The following CENPS variants were observed in gnomAD, a reference collection of about 807,000 sequenced individuals.
The protein encoded by CENPS is centromere protein S.
Under a neutral mutation model 17.9 loss-of-function variants are expected in CENPS, and 16 were observed. The ratio of observed to expected loss-of-function variants is 0.90; its 90% confidence interval spans 0.61 to 1.36. The LOEUF is 1.36. Ranked by LOEUF, CENPS falls within the 40% of genes most tolerant of loss-of-function variation. The pLI is 0.00. For missense variants in CENPS, 160 were observed against 158.6 expected (o/e 1.01, Z -0.05); for synonymous variants, 49 against 55.8 (o/e 0.88, Z 0.54).
intron 4 of CENPS, among the ~76,000 whole-genome samples, chr1:10,441,452 C>T (rs1290431513): frequency 6.6e-6 from 1 of 150,598 alleles, no homozygotes; most frequent in Non-Finnish European, 1.5e-5. Flanking sequence ...GTAGCTGGGA[C>T]TACAGGTGCA....
chr1:10,430,863 T>G, intron 1 of CENPS: 1 of 1,308,776 alleles, frequency 7.6e-7, no homozygotes, highest in East Asian at 3.4e-5. Flanking sequence ...AATCCTCGGT[T>G]TCCCCTTCTC....
intron 1 of CENPS, among the ~76,000 whole-genome samples, chr1:10,431,582 G>A (rs1639916278): frequency 1.3e-5 from 2 of 152,084 alleles, no homozygotes; most frequent in African/African-American, 2.4e-5. Flanking sequence ...TTGGCTGGGC[G>A]CGGTGGCTCA....
Position 10,433,785 on chromosome 1 carries a change from C to G in CENPS, c.52-57C>G, listed in dbSNP as rs375326874. ...TCTCCTTGGTCTTCATTTTTTAAGGCGTGAAAAGCTCTTATTTGCAGCCTT... is the reference window on the plus strand; with the variant it reads ...TCTCCTTGGTCTTCATTTTTTAAGGGGTGAAAAGCTCTTATTTGCAGCCTT... On this transcript the variant is annotated intron_variant, in intron 1 of 4. Transcript: ENST00000309048. The G allele has an allele frequency of 5.6e-6, 9 of 1,607,606 alleles. No individual in the cohort carries two copies. In the South Asian group the frequency reaches 6.6e-5, roughly 12 times the overall value.
At chr1:10,432,286 T>C (rs1303798825) in intron 1 of CENPS, among the ~76,000 whole-genome samples, 1 of 152,134 alleles carries the variant, frequency 6.6e-6, no homozygotes, top group South Asian at 2.1e-4. Flanking sequence ...AGTTTCACCA[T>C]GTTGGCCAGG....
intron 3 of CENPS, among the ~76,000 whole-genome samples, chr1:10,437,711 C>T (rs181194759): frequency 6.6e-6 from 1 of 151,238 alleles, no homozygotes; most frequent in African/African-American, 2.4e-5. Context: ...CCCACCTCGG[C>T]CAGCCAAAGT....
At chr1:10,435,708 T>TACACACACAC (rs1334818968) in intron 3 of CENPS, among the ~76,000 whole-genome samples, 39 of 143,782 alleles carry the variant, frequency 2.7e-4, no homozygotes, top group African/African-American at 8.5e-4. Flanking sequence ...AAATAATATA[T>TACACACACAC]ATATATATAC....
At chr1:10,438,790 C>T (rs987520162) in intron 3 of CENPS, among the ~76,000 whole-genome samples, 2 of 152,116 alleles carry the variant, frequency 1.3e-5, no homozygotes, top group African/African-American at 4.8e-5. Context: ...TAAACGCTTT[C>T]TCGTAAACAG....
At position 10,430,434 on chromosome 1, in the gene CENPS, C is replaced by A. The variant is rs1639846942; in HGVS notation, c.-84C>A. The A allele has an allele frequency of 6.6e-7, 1 of 1,514,210 alleles. No homozygotes were observed. The highest frequency in any genetic ancestry group is 2.1e-5 in the Admixed American group (1 of 47,082). 93.8% of individuals were successfully genotyped at this position (1,514,210 alleles called of 1,614,324 possible). A position where few individuals can be genotyped will look rare whatever the true frequency, so the allele number is the denominator to read the frequency against. On this transcript the variant is annotated 5_prime_UTR_variant, in exon 1 of 5. Coordinates refer to ENST00000309048, the MANE Select transcript of CENPS (RefSeq NM_199294.3). ...GTCCGCCCGCGCGGCCCGTCGCTCG[C>A]GCCGCGGCGGGAAAATCCGACCTGG...
At chr1:10,430,733 G>A (rs1639867807) in intron 1 of CENPS, 165 bp downstream of exon 1, 3 of 1,406,272 alleles carry the variant, frequency 2.1e-6, no homozygotes, top group Non-Finnish European at 2.8e-6. Context: ...GTGCTGGGAG[G>A]CGGTTTCCGC....
In CENPS at chr1:10,433,995, C is replaced by T. The variant is rs771343390; in HGVS notation, c.175+30C>T. 1.9e-6 allele frequency: 3 copies of T among 1,613,580 alleles called. No individual in the cohort carries two copies. The South Asian group carries it at 3.3e-5, about 18-fold the overall frequency. On this transcript the variant is annotated intron_variant, in intron 2 of 4. Transcript: ENST00000309048. ...GAAGCTTCGGCCTCCCCAGCCATGTCTGTAAACCCCAAAGGTTGATTTCAC... is the reference window on the plus strand; with the variant it reads ...GAAGCTTCGGCCTCCCCAGCCATGTTTGTAAACCCCAAAGGTTGATTTCAC...
chr1:10,430,786 G>A, intron 1 of CENPS: 3 of 1,378,594 alleles, frequency 2.2e-6, no homozygotes, highest in Non-Finnish European at 2.8e-6. Flanking sequence ...TGGGGAGGAA[G>A]CGGTTCTAGG....
rs573617129 is a variant in CENPS, at chr1:10,441,377, G to A, written c.277-888G>A. 4.1e-5 allele frequency among the ~76,000 whole-genome samples: 6 copies of A among 145,440 alleles called. No homozygotes were observed. In the East Asian group the frequency reaches 8.2e-4, roughly 20 times the overall value. On this transcript the variant is annotated intron_variant, in intron 4 of 4. Transcript: ENST00000309048. ...TGTCACCCAGGCTGAGGGCAGTGGC[G>A]CATCATTGCTCACTGCAGTCCCCGT...
chr1:10,440,828 G>A (rs1019746862), intron 4 of CENPS, among the ~76,000 whole-genome samples: 3 of 152,202 alleles, frequency 2.0e-5, no homozygotes, highest in African/African-American at 7.2e-5. Context: ...ATATTTTCAA[G>A]TCTAGAAATC....
rs990011526 is a variant in CENPS at position 10,434,074 on chromosome 1, A to G, written c.175+109A>G. 7 of 1,548,798 alleles carry G rather than the reference A, an allele frequency of 4.5e-6. No homozygotes were observed. The East Asian group carries it at 1.4e-4, about 30-fold the overall frequency. On this transcript the variant is annotated intron_variant, in intron 2 of 4. Coordinates refer to ENST00000309048, the MANE Select transcript of CENPS (RefSeq NM_199294.3). ...GGCGAGTCTGACCAGCAGACCAAGA[A>G]TATTATCATCCTCATGCGTTCTTCG... is the stretch of plus-strand genomic sequence containing the variant.
chr1:10,437,475 T>TTTTTGTTTTA (rs71583869), intron 3 of CENPS, among the ~76,000 whole-genome samples: 2 of 145,974 alleles, frequency 1.4e-5, no homozygotes, highest in Non-Finnish European at 3.0e-5. Flanking sequence ...TTTTTGTTTT[T>TTTTTGTTTTA]AGATGGAGTC....
chr1:10,431,682 C>T (rs1240458822), intron 1 of CENPS, among the ~76,000 whole-genome samples: 1 of 151,920 alleles, frequency 6.6e-6, no homozygotes, highest in African/African-American at 2.4e-5. Flanking sequence ...ATGGAAACCC[C>T]CTCTCAACTA....
At chr1:10,435,355 T>C (rs892742054) in intron 3 of CENPS, among the ~76,000 whole-genome samples, 5 of 152,130 alleles carry the variant, frequency 3.3e-5, no homozygotes, top group African/African-American at 9.7e-5. Flanking sequence ...TTGGATTCGG[T>C]GCCAGCCTCT....
intron 3 of CENPS, among the ~76,000 whole-genome samples, chr1:10,438,227 C>G (rs2124277467): frequency 6.6e-6 from 1 of 151,900 alleles, no homozygotes; most frequent in East Asian, 1.9e-4. Flanking sequence ...TCACTGCAGT[C>G]TCCGTCTCCT....
intron 2 of CENPS, 30 bp downstream of exon 2, chr1:10,433,995 C>G (rs771343390): frequency 6.2e-7 from 1 of 1,613,460 alleles, no homozygotes; most frequent in Non-Finnish European, 8.5e-7. Context: ...CCAGCCATGT[C>G]TGTAAACCCC....
Sources: allele counts gnomAD v4.1 joint callset (sites outside exome capture counted in the v4.1 genomes callset), GRCh38; gene constraint gnomAD v4.1.1; transcripts MANE v1.5; gene names NCBI Gene and HGNC (gene_info 2026-07-23, HGNC 2026-07-21).